Variants in GGH observed in about 807,000 individuals in gnomAD.
The protein encoded by GGH is gamma-glutamyl hydrolase.
GGH carries 18 observed loss-of-function variants against 39.2 expected under a neutral mutation model. The ratio of observed to expected loss-of-function variants is 0.46; its 90% CI spans 0.32 to 0.68. The LOEUF (loss-of-function observed/expected upper bound fraction) is 0.68, where lower values mean the gene tolerates loss of function less well. Among genes scored for constraint, GGH ranks in the 30% least tolerant of loss-of-function variants. GGH has a pLI of 0.04. For synonymous variants in GGH, 147 were observed against 138.8 expected (o/e 1.06, Z -0.42); for missense variants, 367 against 384.1 (o/e 0.96, Z 0.37).
At chr8:63,026,627 A>T (rs1021504481) in intron 4 of GGH, among the ~76,000 whole-genome samples, 2 of 152,360 alleles carry the variant, frequency 1.3e-5, no homozygotes, top group East Asian at 3.9e-4. Context: ...GATTGGTAAG[A>T]TTCTAGGGCC....
At chr8:63,026,924 T>A (rs1423664369) in intron 4 of GGH, 1 of 456,914 alleles carries the variant, frequency 2.2e-6, no homozygotes, top group Non-Finnish European at 3.8e-6. Flanking sequence ...CTACACTACA[T>A]GAGGACACGG....
chr8:63,037,774 G>A (rs1015529246), intron 1 of GGH, among the ~76,000 whole-genome samples: 4 of 152,066 alleles, frequency 2.6e-5, no homozygotes, highest in African/African-American at 7.2e-5. Context: ...TTAATTCGTG[G>A]AGAATCAAAT....
chr8:63,018,435 G>A (rs1804526399), intron 7 of GGH, among the ~76,000 whole-genome samples: 1 of 152,154 alleles, frequency 6.6e-6, no homozygotes, highest in African/African-American at 2.4e-5. Flanking sequence ...CCATCAGAAA[G>A]TACTTGGAGA....
intron 2 of GGH, among the ~76,000 whole-genome samples, chr8:63,035,268 T>A (rs1390032891): frequency 6.6e-6 from 1 of 152,210 alleles, no homozygotes; most frequent in Non-Finnish European, 1.5e-5. Flanking sequence ...TTAAACAATG[T>A]AATCATAAGA....
chr8:63,017,281 T>C (rs1029709067), intron 8 of GGH: 2 of 456,316 alleles, frequency 4.4e-6, no homozygotes, highest in Non-Finnish European at 7.7e-6. Flanking sequence ...GAAGCATGTA[T>C]GATAATTGAA....
At chr8:63,036,357 T>C (rs1405942528) in intron 1 of GGH, among the ~76,000 whole-genome samples, 3 of 152,168 alleles carry the variant, frequency 2.0e-5, no homozygotes, top group African/African-American at 7.2e-5. Flanking sequence ...ATTCAATATA[T>C]ACTGTTGAAT....
chr8:63,017,666 T>C (rs779646836), intron 7 of GGH, 36 bp from the exon 8 acceptor site: 4 of 1,283,066 alleles, frequency 3.1e-6, no homozygotes, highest in East Asian at 4.9e-5. Context: ...GTACTAAGAA[T>C]GGTTTAAAAT....
chr8:63,035,369 G>A (rs948235971), intron 2 of GGH, among the ~76,000 whole-genome samples: 18 of 152,200 alleles, frequency 1.2e-4, no homozygotes, highest in Middle Eastern at 3.4e-3. Flanking sequence ...GCAGTGGTGC[G>A]ATCTCAACTC....
intron 2 of GGH, among the ~76,000 whole-genome samples, chr8:63,035,297 G>C (rs1479915999): frequency 6.6e-6 from 1 of 152,108 alleles, no homozygotes; most frequent in South Asian, 2.1e-4. Flanking sequence ...ACGAATTTTA[G>C]AGATATTAGG....
chr8:63,035,562 C>T (rs974074202), intron 2 of GGH, 94 bp downstream of exon 2: 19 of 1,491,140 alleles, frequency 1.3e-5, no homozygotes, highest in Non-Finnish European at 1.6e-5. Context: ...GCCTTGGCCT[C>T]CCAAAGTGCT....
intron 8 of GGH, among the ~76,000 whole-genome samples, chr8:63,016,688 A>G (rs1231818794): frequency 6.6e-6 from 1 of 152,222 alleles, no homozygotes; most frequent in Non-Finnish European, 1.5e-5. Flanking sequence ...GTGTTGTTCA[A>G]GGACCTGCTA....
chr8:63,032,080 C>G (rs1327803175), intron 2 of GGH, among the ~76,000 whole-genome samples: 1 of 152,160 alleles, frequency 6.6e-6, no homozygotes, highest in East Asian at 1.9e-4. Flanking sequence ...GTCACCCAGG[C>G]TGGAGTGCAG....
chr8:63,035,172 A>C (rs1162539685), intron 2 of GGH, among the ~76,000 whole-genome samples: 1 of 152,220 alleles, frequency 6.6e-6, no homozygotes, highest in Non-Finnish European at 1.5e-5. Flanking sequence ...CGTTACAGGT[A>C]ACACACAGCT....
At chr8:63,027,147 C>A in intron 4 of GGH, 34 bp downstream of exon 4, 1 of 978,162 alleles carries the variant, frequency 1.0e-6, no homozygotes, top group Non-Finnish European at 1.7e-6. Flanking sequence ...TTACAGAAAC[C>A]CATCTGGAAT....
chr8:63,016,911 G>T (rs910879688), intron 8 of GGH, among the ~76,000 whole-genome samples: 2 of 152,192 alleles, frequency 1.3e-5, no homozygotes, highest in South Asian at 4.1e-4. Flanking sequence ...AAACTGGTGG[G>T]TATATATTCA....
chr8:63,015,328 A>G lies in GGH; in HGVS notation c.*4T>C. ...AATTTGCTCTGTTAACAAATTGAAG[A>G]CTTTCAATCAAATATGTAACATTGC... On this transcript the variant is annotated 3_prime_UTR_variant, in exon 9 of 9. Coordinates refer to ENST00000260118, the MANE Select transcript of GGH (RefSeq NM_003878.3). The G allele has an allele frequency of 7.4e-7, 1 of 1,358,376 alleles. No homozygotes were observed. The highest frequency in any genetic ancestry group is 1.3e-5 in the South Asian group (1 of 77,628). The allele number at this position is 1,358,376 out of a possible 1,614,324, so 84.1% of individuals were successfully genotyped here.
At chr8:63,024,883 C>T (rs1001262432) in intron 5 of GGH, 1 of 152,174 alleles carries the variant, frequency 6.6e-6, no homozygotes, top group Non-Finnish European at 1.5e-5. Flanking sequence ...AACACACAAC[C>T]AAAGTACTCT....
chr8:63,019,271 A>C (rs1042047832), intron 7 of GGH, among the ~76,000 whole-genome samples: 1 of 152,236 alleles, frequency 6.6e-6, no homozygotes, highest in African/African-American at 2.4e-5. Flanking sequence ...GATCGCAAAT[A>C]AACAGCAGAA....
chr8:63,031,960 C>T (rs1481046536), intron 2 of GGH, among the ~76,000 whole-genome samples: 1 of 152,158 alleles, frequency 6.6e-6, no homozygotes, highest in Non-Finnish European at 1.5e-5. Flanking sequence ...GGAGTGTTTG[C>T]CCCATTTAAA....
Sources: gnomAD v4.1 joint callset for allele counts (sites outside exome capture counted in the v4.1 genomes callset) on GRCh38, gnomAD v4.1.1 for gene constraint, MANE v1.5 for transcripts, NCBI Gene and HGNC (gene_info 2026-07-23, HGNC 2026-07-21) for gene names.